The following MROH1 variants were observed in gnomAD, a reference collection of about 807,000 sequenced individuals.
MROH1 encodes the protein maestro heat-like repeat-containing protein family member 1.
In MROH1, 117 loss-of-function variants were observed where a neutral mutation model predicts 116.5. That is an observed-to-expected ratio of 1.00 (90% CI 0.86 to 1.17). MROH1 has a LOEUF of 1.17. MROH1 is among the 50% of genes most tolerant of loss of function. The pLI, the probability that MROH1 is intolerant of heterozygous loss-of-function variation, is 0.00. For missense variants in MROH1, 1,873 were observed against 1,338.5 expected (o/e 1.40, Z -6.23); for synonymous variants, 921 against 583.9 (o/e 1.58, Z -8.32).
intron 8 of MROH1, among the ~76,000 whole-genome samples, chr8:144,191,356 C>CA (rs1432862639): frequency 1.3e-5 from 2 of 152,204 alleles, no homozygotes; most frequent in Non-Finnish European, 2.9e-5. Context: ...AGGTGTGAGC[C>CA]ACCGTGCCTG....
At chr8:144,227,685 C>T (rs1838058189) in intron 14 of MROH1, among the ~76,000 whole-genome samples, 1 of 151,874 alleles carries the variant, frequency 6.6e-6, no homozygotes, top group African/African-American at 2.4e-5. Flanking sequence ...CGCAGTGGCT[C>T]ACACCTGTAA....
rs146472450 is a variant in MROH1 at position 144,190,963 on chromosome 8, G to A, written c.714+28G>A. 6,587 of 1,594,768 alleles carry A rather than the reference G, an allele frequency of 4.1e-3. 17 individuals carry two copies. Among genetic ancestry groups the A allele is most frequent in the Non-Finnish European group, 5.3e-3 (6,209 of 1,167,352 alleles). On this transcript the variant is annotated intron_variant, in intron 8 of 43. Transcript: ENST00000326134. ...ATGCCCCGTGGCTGCATCAGTCCACGCCTGATGCCAGGGCTCTCTCCTCCC... is the reference window on the plus strand; with the variant it reads ...ATGCCCCGTGGCTGCATCAGTCCACACCTGATGCCAGGGCTCTCTCCTCCC...
At chr8:144,152,123 A>T (rs924497913) in intron 1 of MROH1, among the ~76,000 whole-genome samples, 3 of 152,266 alleles carry the variant, frequency 2.0e-5, no homozygotes, top group African/African-American at 7.2e-5. Context: ...GTTTAACTAT[A>T]AATGAAGCAC....
At position 144,255,620 on chromosome 8, in the gene MROH1, G is replaced by C; in HGVS notation, c.3706G>C (p.Gly1236Arg). 1 of 777,456 alleles carries C rather than the reference G, an allele frequency of 1.3e-6. No homozygotes were observed. The highest frequency in any genetic ancestry group is 2.4e-6 in the Non-Finnish European group (1 of 417,220). 48.2% of individuals were successfully genotyped at this position (777,456 alleles called of 1,614,324 possible). ...VLLLRVSCTV[G>R]VQLPRNLQAQ... ...TCTGCTGCGCGTCAGCTGCACCGTG[G>C]GTGTCCAGCTGCCCCGGAACCTGCA... The change falls in exon 35 of 44, where the codon GGT (glycine) becomes CGT (arginine). Residue 1236 changes from glycine to arginine, a missense_variant. By Grantham distance (125) the Gly-to-Arg change is moderately radical. Transcript: ENST00000326134.
intron 31 of MROH1, among the ~76,000 whole-genome samples, chr8:144,248,354 G>A (rs1007758966): frequency 1.8e-4 from 27 of 149,958 alleles, no homozygotes; most frequent in Admixed American, 8.5e-4. Context: ...CCCTCCCTCC[G>A]TGCTCTCATG....
intron 4 of MROH1, among the ~76,000 whole-genome samples, chr8:144,177,055 T>A (rs901674112): frequency 6.6e-5 from 10 of 152,130 alleles, no homozygotes; most frequent in South Asian, 2.1e-4. Context: ...CCCTGGAGAA[T>A]TGGCAGGTTC....
chr8:144,167,798 C>T (rs1821321397), intron 3 of MROH1, among the ~76,000 whole-genome samples: 1 of 152,154 alleles, frequency 6.6e-6, no homozygotes, highest in African/African-American at 2.4e-5. Flanking sequence ...GGGTCTTGGA[C>T]CCTCTGCCCA....
chr8:144,194,838 G>T (rs968327329), intron 10 of MROH1, among the ~76,000 whole-genome samples: 23 of 152,076 alleles, frequency 1.5e-4, no homozygotes, highest in African/African-American at 5.6e-4. Context: ...AGCCCAGGAA[G>T]TTGAGGCTGC....
Position 144,261,265 on chromosome 8 carries a change from TG to T in MROH1, c.4775-18del, listed in dbSNP as rs1845000582. ...CCCCACGCCGCCCGGCAGCCCCGCC[TG>T]ATGCCCCCACTTCACAGGGTTCCTG... On this transcript the variant is annotated intron_variant, in intron 42 of 43. Transcript: ENST00000326134. 1 of 601,384 alleles carries T rather than the reference TG, an allele frequency of 1.7e-6. No individual in the cohort carries two copies. The highest frequency in any genetic ancestry group is 3.1e-6 in the Non-Finnish European group (1 of 320,938). The allele number at this position is 601,384 out of a possible 1,614,324, so 37.3% of individuals were successfully genotyped here.
chr8:144,165,510 T>G (rs748648586), intron 3 of MROH1, among the ~76,000 whole-genome samples: 4 of 152,152 alleles, frequency 2.6e-5, no homozygotes, highest in Non-Finnish European at 5.9e-5. Flanking sequence ...CTTCAAATGA[T>G]CCTCCTACCT....
intron 14 of MROH1, among the ~76,000 whole-genome samples, chr8:144,229,215 C>T (rs2132570303): frequency 6.6e-6 from 1 of 152,222 alleles, no homozygotes; most frequent in Admixed American, 6.5e-5. Context: ...CAACTTCTTC[C>T]AAACTCTTGT....
At chr8:144,164,110 T>G (rs75792650) in intron 3 of MROH1, among the ~76,000 whole-genome samples, 8 of 151,212 alleles carry the variant, frequency 5.3e-5, no homozygotes, top group Admixed American at 2.6e-4. Context: ...TTTTTTTTTT[T>G]TAAGACAGGG....
At chr8:144,156,767 T>G (rs1587724041) in intron 1 of MROH1, among the ~76,000 whole-genome samples, 2 of 136,346 alleles carry the variant, frequency 1.5e-5, no homozygotes, top group African/African-American at 2.7e-5. Context: ...AATATTGCTT[T>G]GTAGTTTAAT....
intron 7 of MROH1, among the ~76,000 whole-genome samples, chr8:144,187,278 C>A (rs141110924): frequency 1.3e-5 from 2 of 152,084 alleles, no homozygotes; most frequent in Non-Finnish European, 2.9e-5. Context: ...GGTACAGTGT[C>A]ACGCACCTGT....
chr8:144,259,856 G>A (rs1331002448), intron 37 of MROH1, 55 bp from the exon 38 acceptor site: 2 of 715,972 alleles, frequency 2.8e-6, no homozygotes, highest in Admixed American at 2.0e-5. Context: ...CTGGGCTGGT[G>A]GGTTGAGCCC....
intron 34 of MROH1, among the ~76,000 whole-genome samples, chr8:144,255,215 T>C (rs1843501817): frequency 6.6e-6 from 1 of 152,234 alleles, no homozygotes; most frequent in African/African-American, 2.4e-5. Context: ...TGGCAGTGTT[T>C]TAAGCAGTAA....
chr8:144,157,883 GCC>G (rs1169596707), intron 1 of MROH1, among the ~76,000 whole-genome samples: 16 of 150,932 alleles, frequency 1.1e-4, no homozygotes, highest in African/African-American at 3.9e-4. Context: ...TTGCCATGTT[GCC>G]CAGGTGGTCT....
At chr8:144,254,624 C>T (rs1306208120) in intron 33 of MROH1, 189 bp from the exon 34 acceptor site, 6 of 589,492 alleles carry the variant, frequency 1.0e-5, no homozygotes, top group African/African-American at 1.9e-5. Flanking sequence ...GCTCTGTTTA[C>T]AGATCCCTGG....
chr8:144,250,078 C>G (rs1045102423), intron 32 of MROH1, 134 bp from the exon 33 acceptor site: 1 of 672,278 alleles, frequency 1.5e-6, no homozygotes, highest in Admixed American at 2.1e-5. Flanking sequence ...GGCCCTACCT[C>G]AGGCTGGAAC....
Sources: allele counts gnomAD v4.1 joint callset (sites outside exome capture counted in the v4.1 genomes callset), GRCh38; gene constraint gnomAD v4.1.1; transcripts MANE v1.5; gene names NCBI Gene and HGNC (gene_info 2026-07-23, HGNC 2026-07-21).